Variants in RHBDF1 observed in about 807,000 individuals in gnomAD.
RHBDF1 encodes inactive rhomboid protein 1.
Under a neutral mutation model 98.6 loss-of-function variants are expected in RHBDF1, and 80 were observed. The ratio of observed to expected loss-of-function variants is 0.81; its 90% CI spans 0.68 to 0.98. The LOEUF (loss-of-function observed/expected upper bound fraction) is 0.98. RHBDF1 is among the 50% of genes least tolerant of loss of function. The pLI, the probability that RHBDF1 is intolerant of heterozygous loss-of-function variation, is 0.00. For synonymous variants in RHBDF1, 512 were observed against 486.8 expected, an observed-to-expected ratio of 1.05 and a Z score of -0.68; for missense variants, 1,116 against 1,198.3, an observed-to-expected ratio of 0.93 and a Z score of 1.01.
rs147860686 is a variant in RHBDF1, at chr16:59,808, C to T, written c.1741G>A (p.Ala581Thr). Residue 581 changes from alanine (A) to threonine (T), a missense_variant, in exon 14 of 18, where the codon GCT becomes ACT. Transcript: ENST00000262316. ...TGGGGATGGTTGGTGTGGTTCCCAG[C>T]GCTGTTTTTGGTGCAGATCTGGGTC... is the stretch of plus-strand genomic sequence containing the variant. ...TKWPICTKNS[A>T]GNHTNHPHMD... 115 of 1,614,022 alleles carry T rather than the reference C, an allele frequency of 7.1e-5. No individual in the cohort carries two copies. Among genetic ancestry groups the T allele is most frequent in the Non-Finnish European group, 9.5e-5 (112 of 1,180,022 alleles).
intron 1 of RHBDF1, among the ~76,000 whole-genome samples, chr16:67,733 C>G (rs1897865365): frequency 6.6e-6 from 1 of 152,254 alleles, no homozygotes; most frequent in Admixed American, 6.5e-5. Context: ...GCTGCCTCCA[C>G]AGTGCTCAGG....
intron 3 of RHBDF1, chr16:64,380 G>A (rs1250153407): frequency 4.2e-5 from 58 of 1,386,064 alleles, no homozygotes; most frequent in Non-Finnish European, 5.6e-5. Context: ...AGGCCCTGCG[G>A]GCAGCCCGGG....
intron 1 of RHBDF1, 40 bp from the exon 2 acceptor site, chr16:65,079 A>G (rs760231207): frequency 3.9e-4 from 576 of 1,479,058 alleles, no homozygotes; most frequent in Non-Finnish European, 5.0e-4. Context: ...GACAAAGCTG[A>G]CATCTGAAGA....
upstream of RHBDF1, chr16:72,651 G>GA: frequency 2.4e-6 from 2 of 825,978 alleles, no homozygotes; most frequent in African/African-American, 6.3e-5. Flanking sequence ...AGGGGCGTGC[G>GA]CCCGGGGGCG....
At chr16:58,824 C>T (rs1241733405) in intron 17 of RHBDF1, 65 bp from the exon 18 acceptor site, 6 of 1,568,432 alleles carry the variant, frequency 3.8e-6, no homozygotes, top group African/African-American at 2.7e-5. Context: ...CCCAAGGCCT[C>T]ATCTTTCTGC....
At chr16:65,889 G>A (rs550186477) in intron 1 of RHBDF1, among the ~76,000 whole-genome samples, 5 of 152,364 alleles carry the variant, frequency 3.3e-5, no homozygotes, top group East Asian at 3.9e-4. Context: ...GAGGCGGCTC[G>A]GTGCCGGGGC....
chr16:72,907 T>G (rs560367691), upstream of RHBDF1, among the ~76,000 whole-genome samples: 185 of 152,254 alleles, frequency 1.2e-3, 12 homozygotes, highest in South Asian at 0.038. Context: ...AGGCTTGAGC[T>G]GTCCTGCCCT....
At chr16:75,963 A>G (rs942576460), upstream of RHBDF1, among the ~76,000 whole-genome samples, 5 of 152,154 alleles carry the variant, frequency 3.3e-5, no homozygotes, top group African/African-American at 1.2e-4. Flanking sequence ...CCTGTAGCCA[A>G]TACAGCCACA....
chr16:64,211 A>G, intron 3 of RHBDF1: 1 of 1,308,816 alleles, frequency 7.6e-7, no homozygotes, highest in Non-Finnish European at 1.0e-6. Context: ...GCAAACAAAA[A>G]CACTGCCAGC....
At chr16:75,014 C>A, upstream of RHBDF1, 1 of 152,580 alleles carries the variant, frequency 6.6e-6, no homozygotes, top group Non-Finnish European at 1.5e-5. Context: ...TCTCTTCACA[C>A]GGACGCGCAC....
At chr16:61,497 T>C (rs1897622213) in intron 9 of RHBDF1, 38 bp from the exon 10 acceptor site, 1 of 1,612,058 alleles carries the variant, frequency 6.2e-7, no homozygotes, top group Non-Finnish European at 8.5e-7. Flanking sequence ...GGGCCCCGAC[T>C]CTGGCCCTCT....
intron 13 of RHBDF1, 93 bp from the exon 14 acceptor site, chr16:59,919 CAT>C (rs1897545331): frequency 6.3e-7 from 1 of 1,581,624 alleles, no homozygotes. Context: ...TGGGTGGGCT[CAT>C]AAAGCAGAAA....
chr16:59,795 G>A lies in RHBDF1; in HGVS notation c.1754C>T (p.Thr585Ile), dbSNP rs1897538571. The part of the protein sequence containing the change: ...ICTKNSAGNH[T>I]NHPHMDCVIT... Reference sequence around the variant, plus strand: ...GACACAGTCCATGTGGGGATGGTTGGTGTGGTTCCCAGCGCTGTTTTTGGT... The same window carrying A: ...GACACAGTCCATGTGGGGATGGTTGATGTGGTTCCCAGCGCTGTTTTTGGT... The change falls in exon 14 of 18, where the codon ACC becomes ATC. Residue 585 changes from threonine (T) to isoleucine (I), a missense_variant. Physicochemically the swap from Thr to Ile is moderately conservative, Grantham distance 89 (BLOSUM62 -1). Transcript: ENST00000262316. The A allele has an allele frequency of 6.2e-7, 1 of 1,614,174 alleles. No individual in the cohort carries two copies. Among genetic ancestry groups the A allele is most frequent in the Non-Finnish European group, 8.5e-7 (1 of 1,180,022 alleles).
Position 63,770 on chromosome 16 carries a change from C to T in RHBDF1, c.279G>A (p.Lys93=). 1 of 1,613,934 alleles carries T rather than the reference C, an allele frequency of 6.2e-7. No individual in the cohort carries two copies. The highest frequency in any genetic ancestry group is 8.5e-7 in the Non-Finnish European group (1 of 1,179,930). Residue 93 remains lysine, a synonymous_variant, in exon 4 of 18, where the codon AAG becomes AAA. Coordinates refer to ENST00000262316, the MANE Select transcript of RHBDF1 (RefSeq NM_022450.5). ...GCCATTTCTGGGTGCTGTCACTGTC[C>T]TTGCTCACTCCAAACCAGTCGGCGG... ...RGTADWFGVS[K]DSDSTQKWQR... is the part of the protein sequence containing the mutation.
Position 58,270 on chromosome 16 carries a change from G to A in RHBDF1, c.*70C>T. The stretch of plus-strand genomic sequence containing the variant: ...TGGAGCAGGTGACTCCTGTAAGCCT[G>A]TGAGGCTCAGGGAGGTCGTGTCTGG... On this transcript the variant is annotated 3_prime_UTR_variant, in exon 18 of 18. Transcript: ENST00000262316. 11 of 1,490,632 alleles carry A rather than the reference G, an allele frequency of 7.4e-6. No homozygotes were observed. The highest frequency in any genetic ancestry group is 1.0e-5 in the Non-Finnish European group (11 of 1,098,444). 92.3% of individuals were successfully genotyped at this position (1,490,632 alleles called of 1,614,324 possible). A position where few individuals can be genotyped will look rare whatever the true frequency, so the allele number is the denominator to read the frequency against.
Position 61,791 on chromosome 16 carries a change from C to A in RHBDF1, c.1208+7G>T. ...ATCCCAACCCAGGCCTTGCCTGCCACGCCTACCTGTGGTCGTCCATGTCCT... is the reference window on the plus strand; with the variant it reads ...ATCCCAACCCAGGCCTTGCCTGCCAAGCCTACCTGTGGTCGTCCATGTCCT... On this transcript the variant is annotated splice_region_variant and intron_variant, in intron 8 of 17. Coordinates refer to ENST00000262316, the MANE Select transcript of RHBDF1 (RefSeq NM_022450.5). 2 of 1,612,540 alleles carry A rather than the reference C, an allele frequency of 1.2e-6. No homozygotes were observed. Among genetic ancestry groups the A allele is most frequent in the Non-Finnish European group, 1.7e-6 (2 of 1,179,566 alleles).
chr16:58,838 A>G, intron 17 of RHBDF1, 79 bp from the exon 18 acceptor site: 1 of 1,560,348 alleles, frequency 6.4e-7, no homozygotes, highest in Non-Finnish European at 8.7e-7. Flanking sequence ...TTTCTGCCCC[A>G]CTTCCCATGG....
chr16:69,470 C>T (rs1001137453), intron 1 of RHBDF1, among the ~76,000 whole-genome samples: 1 of 152,090 alleles, frequency 6.6e-6, no homozygotes, highest in East Asian at 1.9e-4. Context: ...CCTCAGCTCA[C>T]ATGAGCCTCA....
chr16:75,782 C>T (rs767015007), upstream of RHBDF1, among the ~76,000 whole-genome samples: 4 of 152,188 alleles, frequency 2.6e-5, no homozygotes, highest in Admixed American at 6.5e-5. Context: ...AGTCAAGAGG[C>T]CAGCAGCCAC....
Sources: allele counts gnomAD v4.1 joint callset (sites outside exome capture counted in the v4.1 genomes callset), GRCh38; gene constraint gnomAD v4.1.1; transcripts MANE v1.5; gene names NCBI Gene and HGNC (gene_info 2026-07-23, HGNC 2026-07-21).